Variants in CERT1 observed in about 807,000 individuals in gnomAD.
CERT1 encodes the protein ceramide transfer protein.
CERT1 carries 31 observed loss-of-function variants against 87.9 expected under a neutral mutation model. The ratio of observed to expected loss-of-function variants is 0.35; its 90% CI spans 0.27 to 0.48. The LOEUF (loss-of-function observed/expected upper bound fraction) is 0.48, where lower values mean the gene tolerates loss of function less well. Ranked by LOEUF, CERT1 falls within the 20% of genes least tolerant of loss-of-function variation. The probability of loss-of-function intolerance (pLI) is 0.99; values close to 1 mark genes in which losing one functional copy is unlikely to be tolerated. For missense variants in CERT1, 487 were observed against 758.0 expected, an observed-to-expected ratio of 0.64 and a Z score of 4.20; for synonymous variants, 289 against 250.9, an observed-to-expected ratio of 1.15 and a Z score of -1.44.
At chr5:75,371,163 G>C (rs1761071279) in intron 17 of CERT1, 2 of 152,046 alleles carry the variant, frequency 1.3e-5, no homozygotes, top group South Asian at 4.1e-4. Flanking sequence ...TTCTGTGATT[G>C]TAACATGGAA....
intron 3 of CERT1, among the ~76,000 whole-genome samples, chr5:75,452,455 G>A (rs1764804487): frequency 2.0e-5 from 3 of 152,126 alleles, no homozygotes; most frequent in Non-Finnish European, 2.9e-5. Flanking sequence ...ATCTCTTAGC[G>A]TCAGGAAAGC....
At chr5:75,439,979 G>A (rs113842740) in intron 3 of CERT1, among the ~76,000 whole-genome samples, 1 of 152,030 alleles carries the variant, frequency 6.6e-6, no homozygotes, top group African/African-American at 2.4e-5. Flanking sequence ...GAGAAAATGT[G>A]CTTTTGAATC....
At chr5:75,369,047 G>A (rs1760992387) in intron 17 of CERT1, 1 of 151,992 alleles carries the variant, frequency 6.6e-6, no homozygotes, top group African/African-American at 2.4e-5. Context: ...TGAGTAGCTG[G>A]GGATTACAGG....
chr5:75,495,194 T>C (rs962148438), intron 2 of CERT1, among the ~76,000 whole-genome samples: 2 of 152,220 alleles, frequency 1.3e-5, no homozygotes, highest in Non-Finnish European at 2.9e-5. Flanking sequence ...TGTTGGATAA[T>C]ATATATTCTC....
chr5:75,471,754 CAAAAAAAAAA>C (rs796209502), intron 2 of CERT1, among the ~76,000 whole-genome samples: 1 of 50,806 alleles, frequency 2.0e-5, no homozygotes, highest in African/African-American at 5.8e-5. Flanking sequence ...GACTTCATCT[CAAAAAAAAAA>C]AAAAAAAAAA....
At position 75,511,158 on chromosome 5, in the gene CERT1, T is replaced by A; in HGVS notation, c.50A>T (p.Glu17Val). Residue 17 changes from glutamate (E) to valine (V), a missense_variant, in exon 1 of 17, where the codon GAG becomes GTG. This residue lies in a region of CERT1 where 173 missense variants were observed against 302.2 expected (regional missense o/e 0.57). Transcript: ENST00000643780. Reference sequence around the variant, plus strand: ...CTCCACAGGCGGCCCAGACTCCGTCTCTGGATCCTCCTCCGAGCCCGACGA... The same window carrying A: ...CTCCACAGGCGGCCCAGACTCCGTCACTGGATCCTCCTCCGAGCCCGACGA... ...WNSSGSEEDP[E>V]TESGPPVERC... 1 of 1,611,378 alleles carries A rather than the reference T, an allele frequency of 6.2e-7. No homozygotes were observed. Among genetic ancestry groups the A allele is most frequent in the Non-Finnish European group, 8.5e-7 (1 of 1,178,978 alleles).
downstream of CERT1, chr5:75,374,720 A>C: frequency 5.1e-6 from 3 of 591,320 alleles, no homozygotes; most frequent in South Asian, 4.2e-5. Flanking sequence ...GTAGTCAGGA[A>C]TCGATCTCAT....
intron 2 of CERT1, among the ~76,000 whole-genome samples, chr5:75,478,715 A>C (rs1485153274): frequency 6.6e-6 from 1 of 152,068 alleles, no homozygotes; most frequent in Non-Finnish European, 1.5e-5. Flanking sequence ...AAGAAAGCTG[A>C]GGAAAAGGGT....
upstream of CERT1, chr5:75,511,763 G>C: frequency 6.4e-7 from 1 of 1,551,190 alleles, no homozygotes; most frequent in Non-Finnish European, 8.7e-7. Context: ...CCCTACCTCC[G>C]GCTCTCCCGG....
intron 11 of CERT1, 22 bp downstream of exon 11, chr5:75,399,288 A>T: frequency 6.4e-7 from 1 of 1,551,278 alleles, no homozygotes; most frequent in Non-Finnish European, 8.9e-7. Flanking sequence ...ACTCAAGTCC[A>T]CTCTATACAT....
At chr5:75,404,580 T>C (rs1307750887) in intron 8 of CERT1, among the ~76,000 whole-genome samples, 1 of 152,220 alleles carries the variant, frequency 6.6e-6, no homozygotes, top group Non-Finnish European at 1.5e-5. Flanking sequence ...TCTAATGATT[T>C]TAAATACTAT....
intron 6 of CERT1, among the ~76,000 whole-genome samples, chr5:75,418,253 G>T (rs1763225347): frequency 6.6e-6 from 1 of 152,124 alleles, no homozygotes; most frequent in African/African-American, 2.4e-5. Context: ...ATAAAAACAT[G>T]AAAAGGTGCT....
At chr5:75,488,437 T>C (rs1321774359) in intron 2 of CERT1, among the ~76,000 whole-genome samples, 3 of 152,148 alleles carry the variant, frequency 2.0e-5, no homozygotes, top group African/African-American at 7.2e-5. Flanking sequence ...TACTTTTATA[T>C]AGAACTTGCA....
In CERT1 at chr5:75,511,313, TG is replaced by T; in HGVS notation, c.-107del. On this transcript the variant is annotated 5_prime_UTR_variant, in exon 1 of 17. Transcript: ENST00000643780. ...GGTCGGGGGATGGCGAAGCGAAGAGTGCCCGCTCCGGTGTGGGGGGGAGCAG... is the reference window on the plus strand; with the variant it reads ...GGTCGGGGGATGGCGAAGCGAAGAGTCCCGCTCCGGTGTGGGGGGGAGCAG... 1 of 1,550,312 alleles carries T rather than the reference TG, an allele frequency of 6.5e-7. No individual in the cohort carries two copies. Among genetic ancestry groups the T allele is most frequent in the Non-Finnish European group, 8.7e-7 (1 of 1,147,572 alleles).
Position 75,378,847 on chromosome 5 carries a change from G to C in CERT1, c.*499C>G, listed in dbSNP as rs1225477508. ...CTTTACATAAGCATTAGAAGAAAAAGGAAACAATAAAAGAATTAAGTTTTA... is the reference window on the plus strand; with the variant it reads ...CTTTACATAAGCATTAGAAGAAAAACGAAACAATAAAAGAATTAAGTTTTA... On this transcript the variant is annotated 3_prime_UTR_variant, in exon 17 of 17. Transcript: ENST00000643780. 2 of 152,148 alleles carry C rather than the reference G, an allele frequency of 1.3e-5. No individual in the cohort carries two copies. The highest frequency in any genetic ancestry group is 1.3e-4 in the Admixed American group (2 of 15,254). 9.4% of individuals were successfully genotyped at this position (152,148 alleles called of 1,614,324 possible).
intron 7 of CERT1, among the ~76,000 whole-genome samples, chr5:75,411,362 G>A (rs566405054): frequency 9.8e-4 from 149 of 152,286 alleles, no homozygotes; most frequent in Middle Eastern, 3.4e-3. Flanking sequence ...CACCCAGGCT[G>A]GAGTGCAATG....
chr5:75,380,146 A>G (rs756738634), intron 16 of CERT1, among the ~76,000 whole-genome samples: 6 of 152,198 alleles, frequency 3.9e-5, no homozygotes, highest in Non-Finnish European at 5.9e-5. Flanking sequence ...TAAAGAAGGT[A>G]TGACTTTTGA....
rs192869944 is a variant in CERT1, at chr5:75,475,036, T to C, written c.232-15855A>G. On this transcript the variant is annotated intron_variant, in intron 2 of 16. Coordinates refer to ENST00000643780, the MANE Select transcript of CERT1 (RefSeq NM_001379029.1). ...TATCTAGTACCTAACATACATGGTA[T>C]GATACTGGGAAAATACCCACAGTCC... Among the ~76,000 whole-genome samples, 161 of 152,168 alleles carry C rather than the reference T, an allele frequency of 1.1e-3. 1 individual carries two copies. The highest frequency in any genetic ancestry group is 6.8e-3 in the Middle Eastern group (2 of 294).
At chr5:75,393,370 T>C (rs559977522) in intron 11 of CERT1, among the ~76,000 whole-genome samples, 26 of 151,766 alleles carry the variant, frequency 1.7e-4, no homozygotes, top group Non-Finnish European at 3.2e-4. Flanking sequence ...TAACCTTTTC[T>C]TCCATCTCAC....
Sources: gnomAD v4.1 joint callset for allele counts (sites outside exome capture counted in the v4.1 genomes callset) on GRCh38, gnomAD v4.1.1 for gene constraint, gnomAD v4.1.1 regional missense constraint, MANE v1.5 for transcripts, NCBI Gene and HGNC (gene_info 2026-07-23, HGNC 2026-07-21) for gene names.